CDR2L: variants seen among roughly 807,000 people sequenced by gnomAD.
CDR2L encodes the protein cerebellar degeneration related protein 2 like, also known as cerebellar degeneration-related protein 2-like.
A neutral mutation model predicts 36.1 loss-of-function variants in CDR2L; 19 were observed. The ratio of observed to expected loss-of-function variants is 0.53; its 90% CI spans 0.37 to 0.77. CDR2L has a LOEUF of 0.77. Ranked by LOEUF, CDR2L falls within the 30% of genes least tolerant of loss-of-function variation. The pLI is 0.00. For synonymous variants in CDR2L, 285 were observed against 280.4 expected, an observed-to-expected ratio of 1.02 and a Z score of -0.16; for missense variants, 575 against 627.2, an observed-to-expected ratio of 0.92 and a Z score of 0.89.
chr17:74,989,777 C>A lies in CDR2L; in HGVS notation c.79+1655C>A, dbSNP rs1455554950. Among the ~76,000 whole-genome samples the A allele has an allele frequency of 6.6e-6, 1 of 152,142 alleles. No homozygotes were observed. The highest frequency in any genetic ancestry group is 2.4e-5 in the African/African-American group (1 of 41,416). Reference sequence around the variant, plus strand: ...TCAAGTGATTCTCCTGCCTCAGCCTCCTGAGTAGCTGGGACCACACCTGGC... The same window carrying A: ...TCAAGTGATTCTCCTGCCTCAGCCTACTGAGTAGCTGGGACCACACCTGGC... On this transcript the variant is annotated intron_variant, in intron 1 of 4. Coordinates refer to ENST00000337231, the MANE Select transcript of CDR2L (RefSeq NM_014603.3). This position sits in a 1 kb window ranked among gnomAD's most constrained non-coding sequence, Gnocchi z 4.2.
chr17:74,993,591 A>G (rs939554789), intron 1 of CDR2L, among the ~76,000 whole-genome samples: 2 of 152,200 alleles, frequency 1.3e-5, no homozygotes, highest in African/African-American at 2.4e-5. Flanking sequence ...TTCCCTTACT[A>G]GGTTTATGTT....
chr17:74,991,956 G>A (rs2039799945), intron 1 of CDR2L, among the ~76,000 whole-genome samples: 1 of 152,108 alleles, frequency 6.6e-6, no homozygotes, highest in East Asian at 1.9e-4. Context: ...CAACGGGAGG[G>A]AGGTCCTGCC....
chr17:75,000,940 T>A (rs562288986), intron 2 of CDR2L, among the ~76,000 whole-genome samples: 97 of 142,776 alleles, frequency 6.8e-4, no homozygotes, highest in Admixed American at 8.4e-4. Flanking sequence ...TTAATTAATT[T>A]AAAAAAAAAA....
intron 1 of CDR2L, among the ~76,000 whole-genome samples, chr17:74,995,156 C>T (rs1217408429): frequency 1.3e-5 from 2 of 151,388 alleles, no homozygotes; most frequent in Admixed American, 1.3e-4. Context: ...CTCACCTCAG[C>T]CTTCCAAAGC....
Position 75,003,434 on chromosome 17 carries a change from A to G in CDR2L, c.758A>G (p.Glu253Gly). The G allele has an allele frequency of 6.3e-7, 1 of 1,577,452 alleles. No homozygotes were observed. Residue 253 changes from glutamate to glycine, a missense_variant, in exon 5 of 5, where the codon GAG (glutamate) becomes GGG (glycine). Physicochemically the swap from Glu to Gly is moderately conservative, Grantham distance 98. Transcript: ENST00000337231. ...RVQELEAELL[E>G]LQQMKQAKTY... ...CAGGAGCTGGAGGCCGAGCTGCTGG[A>G]GCTGCAGCAGATGAAGCAGGCCAAG...
At position 75,002,244 on chromosome 17, in the gene CDR2L, G is replaced by T. The variant is rs1327456244; in HGVS notation, c.506+16G>T. ...CCAGCCCCCGGTAGGTGAGAGCACT[G>T]CTTGGTGTCTCTGGGATTGCCAGCC... On this transcript the variant is annotated intron_variant, in intron 4 of 4. Transcript: ENST00000337231. The surrounding 1 kb of genome is among the most constrained non-coding windows in gnomAD (Gnocchi z 4.1). The T allele has an allele frequency of 5.0e-6, 8 of 1,597,840 alleles. No homozygotes were observed. Among genetic ancestry groups the T allele is most frequent in the Non-Finnish European group, 6.8e-6 (8 of 1,173,044 alleles).
intron 1 of CDR2L, among the ~76,000 whole-genome samples, chr17:74,996,140 C>T (rs770083753): frequency 3.3e-5 from 5 of 150,118 alleles, no homozygotes; most frequent in Non-Finnish European, 5.9e-5. Flanking sequence ...ATCACCCTGC[C>T]TCGTTTTAGA....
rs2039867604 is a variant in CDR2L at position 75,001,597 on chromosome 17, A to T, written c.341+108A>T. ...TGTGACTTGTGCACGTCTCCCTAGG[A>T]ACCGGGGATGGGAGTGAGCTTGTCC... is the stretch of plus-strand genomic sequence containing the variant. On this transcript the variant is annotated intron_variant, in intron 3 of 4. Transcript: ENST00000337231. 4 of 1,045,904 alleles carry T rather than the reference A, an allele frequency of 3.8e-6. No individual in the cohort carries two copies. In the South Asian group the frequency reaches 8.2e-5, roughly 22 times the overall value. The allele number at this position is 1,045,904 out of a possible 1,614,324, so 64.8% of individuals were successfully genotyped here.
rs2039889540 is a variant in CDR2L at position 75,004,207 on chromosome 17, A to G, written c.*133A>G. 1.2e-5 allele frequency: 9 copies of G among 756,500 alleles called. No individual in the cohort carries two copies. The Admixed American group carries it at 2.4e-4, about 20-fold the overall frequency. 46.9% of individuals were successfully genotyped at this position (756,500 alleles called of 1,614,324 possible). On this transcript the variant is annotated 3_prime_UTR_variant, in exon 5 of 5. Coordinates refer to ENST00000337231, the MANE Select transcript of CDR2L (RefSeq NM_014603.3). ...GCACGCGGCCTCCTGATCCGGAAGC[A>G]CGCAGCATGTTCCCTGCTGAGCGGA...
rs2039782033 is a variant in CDR2L at position 74,989,396 on chromosome 17, T to A, written c.79+1274T>A. Among the ~76,000 whole-genome samples, 1 of 77,302 alleles carries A rather than the reference T, an allele frequency of 1.3e-5. No individual in the cohort carries two copies. The highest frequency in any genetic ancestry group is 2.7e-5 in the Non-Finnish European group (1 of 36,454). 50.7% of individuals were successfully genotyped at this position (77,302 alleles called of 152,430 possible). A position where few individuals can be genotyped will look rare whatever the true frequency, so the allele number is the denominator to read the frequency against. On this transcript the variant is annotated intron_variant, in intron 1 of 4. Transcript: ENST00000337231. The surrounding 1 kb of genome is among the most constrained non-coding windows in gnomAD (Gnocchi z 4.2). Reference sequence around the variant, plus strand: ...CTCAGCCTCCTTGGCTGAAATGAGATACAGCTCCTCTCAAACACACACACA... The same window carrying A: ...CTCAGCCTCCTTGGCTGAAATGAGAAACAGCTCCTCTCAAACACACACACA...
chr17:74,998,332 C>T (rs1314395197), intron 1 of CDR2L, among the ~76,000 whole-genome samples: 1 of 151,418 alleles, frequency 6.6e-6, no homozygotes, highest in Admixed American at 6.6e-5. Flanking sequence ...TTCCTGGGCT[C>T]AAGGGATCCT....
At chr17:74,999,939 A>G (rs2039854944) in intron 2 of CDR2L, among the ~76,000 whole-genome samples, 1 of 152,092 alleles carries the variant, frequency 6.6e-6, no homozygotes, top group African/African-American at 2.4e-5. Flanking sequence ...CACCAGGCCC[A>G]GCCTGAACCA....
intron 2 of CDR2L, among the ~76,000 whole-genome samples, chr17:74,999,873 G>A (rs1249357874): frequency 6.6e-6 from 1 of 151,704 alleles, no homozygotes; most frequent in East Asian, 1.9e-4. Flanking sequence ...TAACTCCTGA[G>A]CTCAAGTGAT....
At chr17:75,001,932 C>G (rs1011456437) in intron 3 of CDR2L, 132 bp from the exon 4 acceptor site, 5 of 743,142 alleles carry the variant, frequency 6.7e-6, no homozygotes, top group Middle Eastern at 3.9e-4. Flanking sequence ...TACCTCAGGA[C>G]CAGACAGCGG....
In CDR2L at chr17:75,003,800, G is replaced by T; in HGVS notation, c.1124G>T (p.Arg375Leu). ...TACGAGGAGCTGCTGAGCAAGTGCC[G>T]GCAGCACGGGGCCGGAGTGCGGCAC... Reference protein sequence around the residue: ...EKYEELLSKCRQHGAGVRHAG... With the variant: ...EKYEELLSKCLQHGAGVRHAG... The change falls in exon 5 of 5, where the codon CGG (arginine) becomes CTG (leucine). Residue 375 changes from arginine (R) to leucine (L), a missense_variant. Physicochemically the swap from Arg to Leu is moderately radical, Grantham distance 102. Transcript: ENST00000337231. 2 of 1,535,370 alleles carry T rather than the reference G, an allele frequency of 1.3e-6. No homozygotes were observed. The highest frequency in any genetic ancestry group is 2.1e-5 in the Admixed American group (1 of 48,536).
rs190906538 is a variant in CDR2L at position 74,997,781 on chromosome 17, T to A, written c.80-1723T>A. 5.7e-3 allele frequency among the ~76,000 whole-genome samples: 868 copies of A among 151,604 alleles called. 3 individuals carry two copies. Among genetic ancestry groups the A allele is most frequent in the Non-Finnish European group, 9.6e-3 (654 of 67,868 alleles). On this transcript the variant is annotated intron_variant, in intron 1 of 4. Coordinates refer to ENST00000337231, the MANE Select transcript of CDR2L (RefSeq NM_014603.3). ...GTGGCTTATGCCTGTAATCCCAGCATTTTGGGAGGCCTGAGATCAGGAGTT... is the reference window on the plus strand; with the variant it reads ...GTGGCTTATGCCTGTAATCCCAGCAATTTGGGAGGCCTGAGATCAGGAGTT...
intron 2 of CDR2L, among the ~76,000 whole-genome samples, chr17:75,000,358 C>T (rs1048735087): frequency 3.1e-4 from 11 of 35,324 alleles, no homozygotes; most frequent in Non-Finnish European, 4.9e-4. Context: ...AGTGCAGTGG[C>T]GCGATCTGGG....
Position 74,987,845 on chromosome 17 carries a change from G to A in CDR2L, c.-199G>A. 1 of 264,366 alleles carries A rather than the reference G, an allele frequency of 3.8e-6. No individual in the cohort carries two copies. The highest frequency in any genetic ancestry group is 7.1e-6 in the Non-Finnish European group (1 of 140,228). 16.4% of individuals were successfully genotyped at this position (264,366 alleles called of 1,614,324 possible). A position where few individuals can be genotyped will look rare whatever the true frequency, so the allele number is the denominator to read the frequency against. On this transcript the variant is annotated 5_prime_UTR_variant, in exon 1 of 5. Coordinates refer to ENST00000337231, the MANE Select transcript of CDR2L (RefSeq NM_014603.3). Reference sequence around the variant, plus strand: ...GGTGCCCCCGGCTCTGCGGGACCCCGGCCGGGCCGGACCCTGGCAAAGCGC... The same window carrying A: ...GGTGCCCCCGGCTCTGCGGGACCCCAGCCGGGCCGGACCCTGGCAAAGCGC...
intron 1 of CDR2L, among the ~76,000 whole-genome samples, chr17:74,991,118 G>T (rs1231765893): frequency 6.6e-6 from 1 of 152,160 alleles, no homozygotes; most frequent in Admixed American, 6.6e-5. Context: ...AATAGAAAAA[G>T]CCAGCTGGGC....
Sources: allele counts gnomAD v4.1 joint callset (sites outside exome capture counted in the v4.1 genomes callset), GRCh38; gene constraint gnomAD v4.1.1; non-coding constraint Gnocchi (gnomAD v3.1); transcripts MANE v1.5; gene names NCBI Gene and HGNC (gene_info 2026-07-23, HGNC 2026-07-21).